The following CEP131 variants were observed in gnomAD, a reference collection of about 807,000 sequenced individuals.
The protein encoded by CEP131 is centrosomal protein 131.
Under a neutral mutation model 136.8 loss-of-function variants are expected in CEP131, and 99 were observed. That is an observed-to-expected ratio of 0.72 (90% confidence interval 0.62 to 0.86). The LOEUF (loss-of-function observed/expected upper bound fraction) is 0.86, where lower values mean the gene tolerates loss of function less well. CEP131 is among the 40% of genes least tolerant of loss of function. The pLI, the probability that CEP131 is intolerant of heterozygous loss-of-function variation, is 0.00. For synonymous variants in CEP131, 646 were observed against 612.7 expected (o/e 1.05, Z -0.80); for missense variants, 1,459 against 1,463.0 (o/e 1.00, Z 0.04).
chr17:81,209,275 C>G (rs1173223138), intron 2 of CEP131, among the ~76,000 whole-genome samples: 1 of 152,206 alleles, frequency 6.6e-6, no homozygotes, highest in Non-Finnish European at 1.5e-5. Context: ...GCCCTTCACC[C>G]CTGGCAGAGG....
intron 7 of CEP131, among the ~76,000 whole-genome samples, chr17:81,201,147 C>G (rs964127962): frequency 6.6e-6 from 1 of 152,180 alleles, no homozygotes; most frequent in Non-Finnish European, 1.5e-5. Context: ...AAGGCACTAA[C>G]AGAGAACCCA....
In CEP131 at chr17:81,198,107, G is replaced by A. The variant is rs368301066; in HGVS notation, c.1470+8C>T. 41 of 1,555,274 alleles carry A rather than the reference G, an allele frequency of 2.6e-5. No homozygotes were observed. Among genetic ancestry groups the A allele is most frequent in the South Asian group, 7.0e-5 (6 of 85,328 alleles). On this transcript the variant is annotated splice_region_variant and intron_variant, in intron 12 of 25. Transcript: ENST00000450824. ...AGACTGTGCAGGGCGGGCGCACACCGTGGTCACCTCGCTGGCCCAGGCGTA... is the reference window on the plus strand; with the variant it reads ...AGACTGTGCAGGGCGGGCGCACACCATGGTCACCTCGCTGGCCCAGGCGTA...
At chr17:81,205,048 T>G (rs970328370) in intron 5 of CEP131, among the ~76,000 whole-genome samples, 2 of 151,836 alleles carry the variant, frequency 1.3e-5, no homozygotes, top group African/African-American at 4.8e-5. Flanking sequence ...ATCACAAGGT[T>G]AGGGGTTCGA....
chr17:81,214,285 A>C (rs1051163824), intron 2 of CEP131, among the ~76,000 whole-genome samples: 4 of 152,206 alleles, frequency 2.6e-5, no homozygotes, highest in African/African-American at 9.6e-5. Context: ...GTCACGCCGG[A>C]GGCTCACGCC....
intron 2 of CEP131, among the ~76,000 whole-genome samples, chr17:81,210,352 A>T (rs1464183965): frequency 6.6e-6 from 1 of 152,142 alleles, no homozygotes; most frequent in Admixed American, 6.6e-5. Context: ...CGGGTGGATC[A>T]CGAGGTCAGG....
intron 19 of CEP131, 51 bp downstream of exon 19, chr17:81,192,685 G>GGGGGGGGGGGGGGGGGGCCC: frequency 1.7e-5 from 8 of 478,410 alleles, no homozygotes; most frequent in East Asian, 1.2e-4. Flanking sequence ...GGGGGGAGGG[G>GGGGGGGGGGGGGGGGGGCCC]TCAGCCAGCG....
intron 9 of CEP131, 70 bp downstream of exon 9, chr17:81,199,649 C>G: frequency 6.3e-7 from 1 of 1,596,996 alleles, no homozygotes; most frequent in Non-Finnish European, 8.5e-7. Flanking sequence ...GCCCAGGGAG[C>G]CCCAGCAGCA....
intron 13 of CEP131, chr17:81,197,457 T>C (rs2061785969): frequency 3.5e-6 from 2 of 568,534 alleles, no homozygotes; most frequent in Non-Finnish European, 3.0e-6. Context: ...GGGCAGCGGG[T>C]AGGTGGGGGC....
chr17:81,195,225 C>G (rs981429487), intron 16 of CEP131, among the ~76,000 whole-genome samples: 1 of 152,240 alleles, frequency 6.6e-6, no homozygotes, highest in Non-Finnish European at 1.5e-5. Flanking sequence ...CCTGCAGAGG[C>G]CTTGCCCCAG....
chr17:81,197,944 T>C, intron 12 of CEP131, 56 bp from the exon 13 acceptor site: 1 of 1,576,412 alleles, frequency 6.3e-7, no homozygotes, highest in Non-Finnish European at 8.6e-7. Context: ...GGACTTGGGT[T>C]CCCCAAAGGC....
At chr17:81,209,307 C>T (rs879693588) in intron 2 of CEP131, among the ~76,000 whole-genome samples, 1 of 152,214 alleles carries the variant, frequency 6.6e-6, no homozygotes, top group Non-Finnish European at 1.5e-5. Flanking sequence ...GGGAGCTGCT[C>T]ACTGTCACCC....
At chr17:81,200,540 A>G in intron 7 of CEP131, 94 bp from the exon 8 acceptor site, 1 of 945,042 alleles carries the variant, frequency 1.1e-6, no homozygotes. Context: ...GGGAAGAGAG[A>G]AGCCGGCGGC....
chr17:81,211,944 A>G (rs1598314724), intron 2 of CEP131, among the ~76,000 whole-genome samples: 1 of 150,888 alleles, frequency 6.6e-6, no homozygotes, highest in Non-Finnish European at 1.5e-5. Flanking sequence ...GAAAAAAAAA[A>G]AAAAAGAAAA....
chr17:81,193,533 A>T, intron 18 of CEP131, among the ~76,000 whole-genome samples: 1 of 152,180 alleles, frequency 6.6e-6, no homozygotes, highest in Non-Finnish European at 1.5e-5. Flanking sequence ...CCCCAGGCCA[A>T]GGGAGTGAAT....
chr17:81,218,574 G>A (rs888508555), intron 2 of CEP131, among the ~76,000 whole-genome samples: 3 of 152,248 alleles, frequency 2.0e-5, no homozygotes, highest in African/African-American at 7.2e-5. Flanking sequence ...TAAATGCCTA[G>A]AGGCGTACCA....
In CEP131 at chr17:81,189,862, G is replaced by T. The variant is rs753661781; in HGVS notation, c.3169-19C>A. On this transcript the variant is annotated intron_variant, in intron 25 of 25. Coordinates refer to ENST00000450824, the MANE Select transcript of CEP131 (RefSeq NM_014984.4). ...CCGCAGCCTGCAGCACACCCACAGG[G>T]TCAGGCCTGCTCCCAGCCCCGAGGT... The T allele has an allele frequency of 7.4e-6, 12 of 1,612,272 alleles. No individual in the cohort carries two copies. Among genetic ancestry groups the T allele is most frequent in the Non-Finnish European group, 7.6e-6 (9 of 1,179,690 alleles).
Position 81,215,960 on chromosome 17 carries a change from C to T in CEP131, c.177+3920G>A, listed in dbSNP as rs1406708287. Among the ~76,000 whole-genome samples, 3 of 152,052 alleles carry T rather than the reference C, an allele frequency of 2.0e-5. 1 individual carries two copies. The South Asian group carries it at 6.2e-4, about 32-fold the overall frequency. On this transcript the variant is annotated intron_variant, in intron 2 of 25. Coordinates refer to ENST00000450824, the MANE Select transcript of CEP131 (RefSeq NM_014984.4). This position sits in a 1 kb window ranked among gnomAD's most constrained non-coding sequence, Gnocchi z 4.1. Reference sequence around the variant, plus strand: ...CGGGAGCAGGGTCAGGTGCAGCGGCCCACACCCGTAATCCCAGCACTTTGG... The same window carrying T: ...CGGGAGCAGGGTCAGGTGCAGCGGCTCACACCCGTAATCCCAGCACTTTGG...
chr17:81,199,299 G>A (rs943125620), intron 10 of CEP131, 82 bp downstream of exon 10: 124 of 1,428,558 alleles, frequency 8.7e-5, no homozygotes, highest in Non-Finnish European at 1.0e-4. Flanking sequence ...ACAGGAGGCC[G>A]AGAGGAGGTC....
At position 81,215,508 on chromosome 17, in the gene CEP131, T is replaced by C. The variant is rs967350809; in HGVS notation, c.177+4372A>G. ...CTCACTGCAACCTCCAGCTTCCGGG[T>C]TAAATCAGTTCTCCTGCCTTAGCTT... On this transcript the variant is annotated intron_variant, in intron 2 of 25. Transcript: ENST00000450824. The surrounding 1 kb of genome is among the most constrained non-coding windows in gnomAD (Gnocchi z 4.1). 4.6e-5 allele frequency among the ~76,000 whole-genome samples: 7 copies of C among 152,076 alleles called. No individual in the cohort carries two copies. In the East Asian group the frequency reaches 1.3e-3, roughly 29 times the overall value.
Sources: allele counts gnomAD v4.1 joint callset (sites outside exome capture counted in the v4.1 genomes callset), GRCh38; gene constraint gnomAD v4.1.1; non-coding constraint Gnocchi (gnomAD v3.1); transcripts MANE v1.5; gene names NCBI Gene and HGNC (gene_info 2026-07-23, HGNC 2026-07-21).